Variants in TENM2 observed in about 807,000 individuals in gnomAD.
The protein encoded by TENM2 is teneurin transmembrane protein 2, also known as teneurin-2.
TENM2 carries 52 observed loss-of-function variants against 245.2 expected under a neutral mutation model. The ratio of observed to expected loss-of-function variants is 0.21; its 90% CI spans 0.17 to 0.27. TENM2 has a LOEUF of 0.27. TENM2 is among the 10% of genes least tolerant of loss of function. The pLI, the probability that TENM2 is intolerant of heterozygous loss-of-function variation, is 1.00. For synonymous variants in TENM2, 1,363 were observed against 1,438.9 expected (o/e 0.95, Z 1.19); for missense variants, 3,046 against 3,666.8 (o/e 0.83, Z 4.37).
intron 1 of TENM2, among the ~76,000 whole-genome samples, chr5:167,346,086 G>A (rs893812281): frequency 2.6e-5 from 4 of 152,072 alleles, no homozygotes; most frequent in African/African-American, 7.2e-5. Context: ...ACCCAAGTCC[G>A]CCAAATAGCA....
Position 167,797,675 on chromosome 5 carries a change from A to G in TENM2, c.503-78311A>G, listed in dbSNP as rs192833645. On this transcript the variant is annotated intron_variant, in intron 2 of 28. Coordinates refer to ENST00000518659, the Ensembl canonical transcript of TENM2. The stretch of plus-strand genomic sequence containing the variant: ...TTTCAAATTGTACTATTTACCTGTC[A>G]TTACAGATCTGAAGGTTGAGAATGA... 1.9e-4 allele frequency among the ~76,000 whole-genome samples: 29 copies of G among 152,338 alleles called. No homozygotes were observed. In the East Asian group the frequency reaches 5.6e-3, roughly 29 times the overall value.
At chr5:167,609,951 C>G (rs1398974696) in intron 2 of TENM2, among the ~76,000 whole-genome samples, 2 of 152,034 alleles carry the variant, frequency 1.3e-5, no homozygotes, top group African/African-American at 2.4e-5. Context: ...AGGGCTCAGT[C>G]CCACAAGACT....
intron 2 of TENM2, among the ~76,000 whole-genome samples, chr5:167,791,837 AT>A (rs1300754308): frequency 6.6e-6 from 1 of 152,082 alleles, no homozygotes; most frequent in African/African-American, 2.4e-5. Flanking sequence ...GCTGGGCCAC[AT>A]CCCCATGTGT....
At chr5:167,056,682 C>T in the TENM2 span, among the ~76,000 whole-genome samples, 60 of 108,514 alleles carry the variant, frequency 5.5e-4, no homozygotes, top group Admixed American at 4.0e-3. Flanking sequence ...ATATATATTA[C>T]TTCCCTCATA....
intron 3 of TENM2, among the ~76,000 whole-genome samples, chr5:167,919,671 T>C (rs1436753056): frequency 6.6e-6 from 1 of 152,324 alleles, no homozygotes; most frequent in Admixed American, 6.5e-5. Context: ...TGCATTTTGT[T>C]TGGAGAGAAG....
chr5:167,552,667 T>C (rs923930995), intron 2 of TENM2, among the ~76,000 whole-genome samples: 5 of 152,220 alleles, frequency 3.3e-5, no homozygotes, highest in Non-Finnish European at 7.3e-5. Context: ...TGGAAGATGA[T>C]TGGCTTGTCT....
rs146395133 is a variant in TENM2, at chr5:167,520,864, C to A, written c.502+145391C>A. 3.2e-3 allele frequency among the ~76,000 whole-genome samples: 491 copies of A among 151,526 alleles called. 4 individuals carry two copies. Among genetic ancestry groups the A allele is most frequent in the African/African-American group, 0.011 (457 of 41,336 alleles). ...AGCTCCAATTTTTAACGACTTAATT[C>A]TCTCCCGGTACCAGTTCATATTCCC... On this transcript the variant is annotated intron_variant, in intron 2 of 28. Coordinates refer to ENST00000518659, the Ensembl canonical transcript of TENM2.
chr5:167,527,397 AT>A (rs950980067), intron 2 of TENM2, among the ~76,000 whole-genome samples: 3 of 151,914 alleles, frequency 2.0e-5, no homozygotes, highest in Non-Finnish European at 2.9e-5. Flanking sequence ...TCATGCTATG[AT>A]TTTTTTTCAT....
intron 23 of TENM2, among the ~76,000 whole-genome samples, chr5:168,222,556 C>G (rs1763759775): frequency 6.6e-6 from 1 of 152,216 alleles, no homozygotes; most frequent in Non-Finnish European, 1.5e-5. Flanking sequence ...AGTTGCCTCT[C>G]TCTCCTCTTT....
At chr5:167,767,813 C>T (rs1028124991) in intron 2 of TENM2, among the ~76,000 whole-genome samples, 3 of 152,164 alleles carry the variant, frequency 2.0e-5, no homozygotes, top group African/African-American at 7.2e-5. Flanking sequence ...GTAGACCACA[C>T]TTGTGGGGGT....
Position 168,218,229 on chromosome 5 carries a change from C to A in TENM2, c.4338C>A (p.Val1446=), listed in dbSNP as rs185690268. 1,480 of 1,613,832 alleles carry A rather than the reference C, an allele frequency of 9.2e-4. 1 individual carries two copies. Among genetic ancestry groups the A allele is most frequent in the Non-Finnish European group, 1.2e-3 (1,415 of 1,179,868 alleles). Residue 1446 remains valine, a synonymous_variant, in exon 23 of 29, where the codon GTC becomes GTA. Transcript: ENST00000518659. This position sits in a 1 kb window ranked among gnomAD's most constrained non-coding sequence, Gnocchi z 5.2. ...TTCGAATCACCGAGAACCACCAAGT[C>A]AGCATCATTGCGGGACGCCCCATGC... is the stretch of plus-strand genomic sequence containing the variant.
intron 2 of TENM2, among the ~76,000 whole-genome samples, chr5:167,767,742 G>A (rs1401434887): frequency 6.6e-6 from 1 of 152,170 alleles, no homozygotes; most frequent in Non-Finnish European, 1.5e-5. Flanking sequence ...GAGGCTGCAG[G>A]ACTTACTTGT....
intron 5 of TENM2, among the ~76,000 whole-genome samples, chr5:168,027,302 C>T (rs769656484): frequency 6.6e-6 from 1 of 152,158 alleles, no homozygotes; most frequent in African/African-American, 2.4e-5. Flanking sequence ...ACAGGGCTTT[C>T]CCAGAAGAGG....
chr5:168,025,872 C>T (rs889958487), intron 5 of TENM2, among the ~76,000 whole-genome samples: 11 of 152,114 alleles, frequency 7.2e-5, no homozygotes, highest in Non-Finnish European at 1.6e-4. Flanking sequence ...CTTCATTGGC[C>T]AGTGCGTCCT....
At chr5:167,077,646 T>C in the TENM2 span, among the ~76,000 whole-genome samples, 1 of 152,226 alleles carries the variant, frequency 6.6e-6, no homozygotes, top group Non-Finnish European at 1.5e-5. Flanking sequence ...AAATTCCCAT[T>C]GTCACTTATG....
intron 2 of TENM2, among the ~76,000 whole-genome samples, chr5:167,483,287 G>A (rs1358927654): frequency 6.6e-6 from 1 of 152,142 alleles, no homozygotes; most frequent in Non-Finnish European, 1.5e-5. Context: ...GCCCCTGGCA[G>A]CCTTCGAAAA....
chr5:168,227,881 T>C lies in TENM2; in HGVS notation c.5285-14T>C. On this transcript the variant is annotated splice_polypyrimidine_tract_variant and intron_variant, in intron 24 of 28. Coordinates refer to ENST00000518659, the Ensembl canonical transcript of TENM2. ...TTTATTTCCCTATCCCCACCCCCAC[T>C]TACATTTTTCCAGATCAAGTTCGGA... 6.4e-7 allele frequency: 1 copy of C among 1,559,184 alleles called. No homozygotes were observed. The highest frequency in any genetic ancestry group is 1.1e-5 in the South Asian group (1 of 87,568).
intron 2 of TENM2, among the ~76,000 whole-genome samples, chr5:167,520,949 T>C (rs1770712109): frequency 7.5e-6 from 1 of 133,092 alleles, no homozygotes. Context: ...TTTTTTTTTT[T>C]GGTGCCAGGT....
intron 2 of TENM2, among the ~76,000 whole-genome samples, chr5:167,559,696 G>A (rs969490744): frequency 2.6e-5 from 4 of 152,042 alleles, no homozygotes; most frequent in African/African-American, 9.7e-5. Flanking sequence ...GGGAGTAAGG[G>A]GGCATGGAGA....
Sources: allele counts gnomAD v4.1 joint callset (sites outside exome capture counted in the v4.1 genomes callset), GRCh38; gene constraint gnomAD v4.1.1; non-coding constraint Gnocchi (gnomAD v3.1); transcripts MANE v1.5; gene names NCBI Gene and HGNC (gene_info 2026-07-23, HGNC 2026-07-21).